The following SLC35G6 variants were observed in gnomAD, a reference collection of about 807,000 sequenced individuals.
SLC35G6 encodes acyl-malonyl condensing enzyme 1-like 3.
A neutral mutation model predicts 20.3 loss-of-function variants in SLC35G6; 18 were observed. The observed-to-expected ratio is 0.88, with a 90% confidence interval of 0.61 to 1.31. The LOEUF is 1.31. Among genes scored for constraint, SLC35G6 ranks in the 40% most tolerant of loss-of-function variants. SLC35G6 has a pLI of 0.00. For synonymous variants in SLC35G6, 156 were observed against 200.9 expected (o/e 0.78, Z 1.89); for missense variants, 372 against 433.4 (o/e 0.86, Z 1.26).
At position 7,483,025 on chromosome 17, in the gene SLC35G6, T is replaced by C. The variant is rs745504681; in HGVS notation, c.*24T>C. 3 of 1,610,318 alleles carry C rather than the reference T, an allele frequency of 1.9e-6. No homozygotes were observed. Among genetic ancestry groups the C allele is most frequent in the Non-Finnish European group, 1.7e-6 (2 of 1,179,394 alleles). The stretch of plus-strand genomic sequence containing the variant: ...GAGATAGAACTTGGGAGCCCGGGGG[T>C]TGGGAGGGACAGGGATAAATAGAGG... On this transcript the variant is annotated 3_prime_UTR_variant, in exon 2 of 2. Transcript: ENST00000412468.
Position 7,482,509 on chromosome 17 carries a change from T to C in SLC35G6, c.525T>C (p.Pro175=), listed in dbSNP as rs1035041006. 1.9e-6 allele frequency: 3 copies of C among 1,613,418 alleles called. No individual in the cohort carries two copies. The highest frequency in any genetic ancestry group is 1.1e-5 in the South Asian group (1 of 91,056). Residue 175 remains proline, a synonymous_variant, in exon 2 of 2, where the codon CCT becomes CCC. Transcript: ENST00000412468. ...TAGGACTAATCATCATTGTGGGACCTGGACTCTGGACACTACAGGAGGGGA... is the reference window on the plus strand; with the variant it reads ...TAGGACTAATCATCATTGTGGGACCCGGACTCTGGACACTACAGGAGGGGA... ...SILGLIIIVG[P]GLWTLQEGIT... is the part of the protein sequence containing the mutation.
At position 7,483,175 on chromosome 17, in the gene SLC35G6, G is replaced by C; in HGVS notation, c.*174G>C. On this transcript the variant is annotated 3_prime_UTR_variant, in exon 2 of 2. Coordinates refer to ENST00000412468, the MANE Select transcript of SLC35G6 (RefSeq NM_001102614.2). The stretch of plus-strand genomic sequence containing the variant: ...GAGAGGGACTACCTGGAAGACCTGG[G>C]GCCAGCCTGGGACCAAGGGATGTGG... 1 of 1,260,224 alleles carries C rather than the reference G, an allele frequency of 7.9e-7. No homozygotes were observed. The allele number at this position is 1,260,224 out of a possible 1,614,324, so 78.1% of individuals were successfully genotyped here. A position where few individuals can be genotyped will look rare whatever the true frequency, so the allele number is the denominator to read the frequency against.
Position 7,482,918 on chromosome 17 carries a change from G to A in SLC35G6, c.934G>A (p.Gly312Arg), listed in dbSNP as rs181565883. 116 of 1,612,054 alleles carry A rather than the reference G, an allele frequency of 7.2e-5. No homozygotes were observed. The East Asian group carries it at 2.4e-3, about 33-fold the overall frequency. The stretch of plus-strand genomic sequence containing the variant: ...GACTGTGGCACCTTCTGACATCGTG[G>A]GGGCAGGGGTTGTGCTGGGCAGCAT... The part of the protein sequence containing the change: ...HETVAPSDIV[G>R]AGVVLGSIAI... Residue 312 changes from glycine (G) to arginine (R), a missense_variant, in exon 2 of 2, where the codon GGG becomes AGG. Gly to Arg is a moderately radical substitution (Grantham distance 125). Transcript: ENST00000412468.
At position 7,483,445 on chromosome 17, in the gene SLC35G6, C is replaced by A. The variant is rs199785443; in HGVS notation, c.*444C>A. 3.9e-5 allele frequency: 10 copies of A among 257,808 alleles called. No homozygotes were observed. Among genetic ancestry groups the A allele is most frequent in the Non-Finnish European group, 6.9e-5 (9 of 131,076 alleles). The allele number at this position is 257,808 out of a possible 1,614,324, so 16.0% of individuals were successfully genotyped here. A position where few individuals can be genotyped will look rare whatever the true frequency, so the allele number is the denominator to read the frequency against. ...TCCTTTCCTCGTGCTTGTGCCCCCC[C>A]CTTGGGGTGGTGACGTGACATTGAC... On this transcript the variant is annotated 3_prime_UTR_variant, in exon 2 of 2. Coordinates refer to ENST00000412468, the MANE Select transcript of SLC35G6 (RefSeq NM_001102614.2).
chr17:7,482,788 A>G lies in SLC35G6; in HGVS notation c.804A>G (p.Thr268=). The G allele has an allele frequency of 1.2e-6, 2 of 1,611,938 alleles. No individual in the cohort carries two copies. Among genetic ancestry groups the G allele is most frequent in the Non-Finnish European group, 8.5e-7 (1 of 1,179,846 alleles). The change falls in exon 2 of 2, where the codon ACA becomes ACG. Residue 268 remains threonine (T), a synonymous_variant. Coordinates refer to ENST00000412468, the MANE Select transcript of SLC35G6 (RefSeq NM_001102614.2). Reference sequence around the variant, plus strand: ...GGATCCTCGCCTTGGTCTCCTTCACATGTGTGAGCTATGCGGTCACCAAGG... The same window carrying G: ...GGATCCTCGCCTTGGTCTCCTTCACGTGTGTGAGCTATGCGGTCACCAAGG... ...AVGILALVSF[T]CVSYAVTKAH...
rs770045265 is a variant in SLC35G6, at chr17:7,482,580, G to A, written c.596G>A (p.Gly199Glu). 13 of 1,612,294 alleles carry A rather than the reference G, an allele frequency of 8.1e-6. No homozygotes were observed. Among genetic ancestry groups the A allele is most frequent in the Admixed American group, 1.7e-5 (1 of 60,012 alleles). Reference sequence around the variant, plus strand: ...CTGGGCTATGGGCAGGCTTTCGTGGGAGGACTGGCGCTGTCCCTGGGGCTT... The same window carrying A: ...CTGGGCTATGGGCAGGCTTTCGTGGAAGGACTGGCGCTGTCCCTGGGGCTT... ...TALGYGQAFV[G>E]GLALSLGLLV... is the part of the protein sequence containing the mutation. Residue 199 changes from glycine (G) to glutamate (E), a missense_variant, in exon 2 of 2, where the codon GGA becomes GAA. Coordinates refer to ENST00000412468, the MANE Select transcript of SLC35G6 (RefSeq NM_001102614.2).
rs1040359980 is a variant in SLC35G6, at chr17:7,481,877, C to T, written c.4-111C>T. The T allele has an allele frequency of 4.0e-5, 56 of 1,417,322 alleles. 1 individual carries two copies. Among genetic ancestry groups the T allele is most frequent in the Non-Finnish European group, 5.2e-5 (55 of 1,058,900 alleles). The allele number at this position is 1,417,322 out of a possible 1,614,324, so 87.8% of individuals were successfully genotyped here. The stretch of plus-strand genomic sequence containing the variant: ...TCCGAAGAGTTCCTCAGCAAGATAG[C>T]CCAACACTGTACAGTCCCACAGGGT... On this transcript the variant is annotated intron_variant, in intron 1 of 1. Coordinates refer to ENST00000412468, the MANE Select transcript of SLC35G6 (RefSeq NM_001102614.2).
In SLC35G6 at chr17:7,482,551, C is replaced by T. The variant is rs1017293153; in HGVS notation, c.567C>T (p.Thr189=). The T allele has an allele frequency of 6.8e-6, 11 of 1,612,544 alleles. No individual in the cohort carries two copies. In the Admixed American group the frequency reaches 8.3e-5, roughly 12 times the overall value. ...AGGAGGGGATCACGGGTGTCTACACCGCCCTGGGCTATGGGCAGGCTTTCG... is the reference window on the plus strand; with the variant it reads ...AGGAGGGGATCACGGGTGTCTACACTGCCCTGGGCTATGGGCAGGCTTTCG... ...TLQEGITGVY[T]ALGYGQAFVG... The change falls in exon 2 of 2, where the codon ACC becomes ACT. Residue 189 remains threonine (T), a synonymous_variant. Coordinates refer to ENST00000412468, the MANE Select transcript of SLC35G6 (RefSeq NM_001102614.2).
rs200434184 is a variant in SLC35G6 at position 7,481,524 on chromosome 17, G to A, written c.3+5G>A. 1.2e-5 allele frequency: 19 copies of A among 1,559,918 alleles called. 1 individual carries two copies. The Admixed American group carries it at 3.7e-4, about 30-fold the overall frequency. ...GAGAAAGTCCAAGGAAAGATGGTGA[G>A]TGTGGGGGCCAGGGGCCTAGTACTC... is the stretch of plus-strand genomic sequence containing the variant. On this transcript the variant is annotated splice_donor_5th_base_variant and intron_variant, in intron 1 of 1. Coordinates refer to ENST00000412468, the MANE Select transcript of SLC35G6 (RefSeq NM_001102614.2).
At position 7,481,483 on chromosome 17, in the gene SLC35G6, T is replaced by A. The variant is rs2070344539; in HGVS notation, c.-34T>A. ...GGAGCTCTGAGGGGCCCAGGCTCCC[T>A]GAGCCAGGAGGAGAGGAGAAAGTCC... On this transcript the variant is annotated 5_prime_UTR_variant, in exon 1 of 2. Coordinates refer to ENST00000412468, the MANE Select transcript of SLC35G6 (RefSeq NM_001102614.2). 1 of 1,519,996 alleles carries A rather than the reference T, an allele frequency of 6.6e-7. No individual in the cohort carries two copies. Among genetic ancestry groups the A allele is most frequent in the Admixed American group, 2.1e-5 (1 of 46,666 alleles). The allele number at this position is 1,519,996 out of a possible 1,614,324, so 94.2% of individuals were successfully genotyped here.
In SLC35G6 at chr17:7,481,885, T is replaced by G. The variant is rs9891297; in HGVS notation, c.4-103T>G. 4.1e-6 allele frequency: 6 copies of G among 1,454,542 alleles called. No individual in the cohort carries two copies. In the African/African-American group the frequency reaches 8.6e-5, roughly 21 times the overall value. The allele number at this position is 1,454,542 out of a possible 1,614,324, so 90.1% of individuals were successfully genotyped here. ...GTTCCTCAGCAAGATAGCCCAACAC[T>G]GTACAGTCCCACAGGGTCCCAGACC... On this transcript the variant is annotated intron_variant, in intron 1 of 1. Transcript: ENST00000412468.
chr17:7,481,839 G>A (rs1048793431), intron 1 of SLC35G6, 149 bp from the exon 2 acceptor site: 1 of 1,157,268 alleles, frequency 8.6e-7, no homozygotes, highest in African/African-American at 1.6e-5. Context: ...TCATCTTTTA[G>A]GCCCTTTCTA....
Position 7,482,748 on chromosome 17 carries a change from G to T in SLC35G6, c.764G>T (p.Cys255Phe). 1 of 1,612,048 alleles carries T rather than the reference G, an allele frequency of 6.2e-7. No individual in the cohort carries two copies. Among genetic ancestry groups the T allele is most frequent in the African/African-American group, 1.3e-5 (1 of 74,988 alleles). ...VLPSDLPSWS[C>F]VGAVGILALV... Reference sequence around the variant, plus strand: ...CCCAGTGATCTCCCGAGTTGGAGTTGTGTGGGGGCAGTGGGGATCCTCGCC... The same window carrying T: ...CCCAGTGATCTCCCGAGTTGGAGTTTTGTGGGGGCAGTGGGGATCCTCGCC... The change falls in exon 2 of 2, where the codon TGT becomes TTT. Residue 255 changes from cysteine to phenylalanine, a missense_variant. Cys to Phe is a radical substitution (Grantham distance 205). Transcript: ENST00000412468.
In SLC35G6 at chr17:7,483,204, C is replaced by G; in HGVS notation, c.*203C>G. Reference sequence around the variant, plus strand: ...AGCCTGGGACCAAGGGATGTGGAGACCAGGCTGGGTCCTGGAATCAGGGCA... The same window carrying G: ...AGCCTGGGACCAAGGGATGTGGAGAGCAGGCTGGGTCCTGGAATCAGGGCA... On this transcript the variant is annotated 3_prime_UTR_variant, in exon 2 of 2. Coordinates refer to ENST00000412468, the MANE Select transcript of SLC35G6 (RefSeq NM_001102614.2). 1.0e-6 allele frequency: 1 copy of G among 995,524 alleles called. No homozygotes were observed. The highest frequency in any genetic ancestry group is 1.6e-5 in the African/African-American group (1 of 61,094). 61.7% of individuals were successfully genotyped at this position (995,524 alleles called of 1,614,324 possible).
At chr17:7,481,584 C>T (rs2070346030) in intron 1 of SLC35G6, 65 bp downstream of exon 1, 6 of 1,233,816 alleles carry the variant, frequency 4.9e-6, no homozygotes, top group Non-Finnish European at 6.6e-6. Context: ...CATTTCCCCT[C>T]CTTTCCTAAA....
At position 7,482,410 on chromosome 17, in the gene SLC35G6, C is replaced by T. The variant is rs563869962; in HGVS notation, c.426C>T (p.Ser142=). Residue 142 remains serine (S), a synonymous_variant, in exon 2 of 2, where the codon TCC becomes TCT. Coordinates refer to ENST00000412468, the MANE Select transcript of SLC35G6 (RefSeq NM_001102614.2). ...TVRKGSSTVC[S]AVLTLCLESQ... is the part of the protein sequence containing the mutation. ...GCAAAGGTTCTTCCACCGTCTGCTCCGCCGTCCTCACCCTCTGCCTTGAGA... is the reference window on the plus strand; with the variant it reads ...GCAAAGGTTCTTCCACCGTCTGCTCTGCCGTCCTCACCCTCTGCCTTGAGA... 1.2e-5 allele frequency: 19 copies of T among 1,613,986 alleles called. No homozygotes were observed. The highest frequency in any genetic ancestry group is 1.1e-4 in the African/African-American group (8 of 75,034).
At position 7,482,665 on chromosome 17, in the gene SLC35G6, C is replaced by G. The variant is rs753390919; in HGVS notation, c.681C>G (p.Gly227=). Residue 227 remains glycine (G), a synonymous_variant, in exon 2 of 2, where the codon GGC becomes GGG. Coordinates refer to ENST00000412468, the MANE Select transcript of SLC35G6 (RefSeq NM_001102614.2). ...SCLPTVAFLS[G]LVGLLGSVPG... ...TCCCAACAGTGGCCTTCCTATCTGG[C>G]TTGGTGGGGCTGCTGGGCTCTGTGC... 3 of 1,611,940 alleles carry G rather than the reference C, an allele frequency of 1.9e-6. No homozygotes were observed. In the African/African-American group the frequency reaches 4.0e-5, roughly 22 times the overall value.
intron 1 of SLC35G6, 84 bp from the exon 2 acceptor site, chr17:7,481,904 C>T (rs1031046897): frequency 5.9e-6 from 9 of 1,513,378 alleles, no homozygotes; most frequent in South Asian, 1.3e-5. Context: ...CCACAGGGTC[C>T]CAGACCCCAT....
In SLC35G6 at chr17:7,483,075, G is replaced by T. The variant is rs1021770918; in HGVS notation, c.*74G>T. On this transcript the variant is annotated 3_prime_UTR_variant, in exon 2 of 2. Transcript: ENST00000412468. ...GCAAAGACTGAAGACAAACATGGGA[G>T]GAGAAGTGACTGGAAAAGAACTGGT... 1.1e-5 allele frequency: 17 copies of T among 1,596,430 alleles called. No homozygotes were observed. The highest frequency in any genetic ancestry group is 1.5e-5 in the Non-Finnish European group (17 of 1,171,866).
Sources: allele counts gnomAD v4.1 joint callset, GRCh38; gene constraint gnomAD v4.1.1; transcripts MANE v1.5; gene names NCBI Gene and HGNC (gene_info 2026-07-23, HGNC 2026-07-21).